RAPGEF1: variants seen among roughly 807,000 people sequenced by gnomAD.
RAPGEF1 encodes CRK SH3-binding GNRP.
RAPGEF1 carries 33 observed loss-of-function variants against 143.3 expected under a neutral mutation model. That is an observed-to-expected ratio of 0.23 (90% CI 0.17 to 0.31). RAPGEF1 has a LOEUF of 0.31. Ranked by LOEUF, RAPGEF1 falls within the 10% of genes least tolerant of loss-of-function variation. The pLI, the probability that RAPGEF1 is intolerant of heterozygous loss-of-function variation, is 1.00. For synonymous variants in RAPGEF1, 629 were observed against 676.5 expected (o/e 0.93, Z 1.09); for missense variants, 1,199 against 1,645.4 (o/e 0.73, Z 4.69).
rs985596755 is a variant in RAPGEF1, at chr9:131,621,402, C to T, written c.1905+394G>A. On this transcript the variant is annotated intron_variant, in intron 11 of 26. Transcript: ENST00000683357. The surrounding 1 kb of genome is among the most constrained non-coding windows in gnomAD (Gnocchi z 4.5). ...TTATGCCAATCAAGTCCACAGATGG[C>T]TGTGCACAGACCATGTCCTGTGCTT... is the stretch of plus-strand genomic sequence containing the variant. 6.6e-6 allele frequency among the ~76,000 whole-genome samples: 1 copy of T among 152,210 alleles called. No homozygotes were observed. The highest frequency in any genetic ancestry group is 1.5e-5 in the Non-Finnish European group (1 of 68,034).
At chr9:131,588,128 G>A in intron 20 of RAPGEF1, 102 bp from the exon 21 acceptor site, 1 of 1,026,096 alleles carries the variant, frequency 9.7e-7, no homozygotes, top group Non-Finnish European at 1.5e-6. Context: ...GAGCCTCTCT[G>A]CCCAGCAGGA....
rs1486187697 is a variant in RAPGEF1 at position 131,650,856 on chromosome 9, T to C, written c.155A>G (p.Lys52Arg). 1.2e-6 allele frequency: 2 copies of C among 1,614,048 alleles called. No individual in the cohort carries two copies. The highest frequency in any genetic ancestry group is 1.7e-6 in the Non-Finnish European group (2 of 1,179,898). The stretch of plus-strand genomic sequence containing the variant: ...AATCTTTACGGACACCTCAGCTGGT[T>C]TTCCCTTCTTTGATGGCGTTCTCTT... The part of the protein sequence containing the change: ...KIKRTPSKKG[K>R]PAEVSVKIPE... Residue 52 changes from lysine (K) to arginine (R), a missense_variant, in exon 2 of 27, where the codon AAA becomes AGA. Coordinates refer to ENST00000683357, the MANE Select transcript of RAPGEF1 (RefSeq NM_001377935.1). This position sits in a 1 kb window ranked among gnomAD's most constrained non-coding sequence, Gnocchi z 4.7.
At chr9:131,676,271 A>G (rs2130872655) in intron 1 of RAPGEF1, among the ~76,000 whole-genome samples, 1 of 152,304 alleles carries the variant, frequency 6.6e-6, no homozygotes, top group African/African-American at 2.4e-5. Flanking sequence ...CCCTGAGGAA[A>G]GGGGCAAGGG....
chr9:131,584,602 TG>T lies in RAPGEF1; in HGVS notation c.3234-7del. The stretch of plus-strand genomic sequence containing the variant: ...ACATGATTATGGACCGGACCCTGCA[TG>T]GACCAAGGGAAAAAGAAACAGCTGA... On this transcript the variant is annotated splice_polypyrimidine_tract_variant and splice_region_variant and intron_variant, in intron 22 of 26. Coordinates refer to ENST00000683357, the MANE Select transcript of RAPGEF1 (RefSeq NM_001377935.1). The surrounding 1 kb of genome is among the most constrained non-coding windows in gnomAD (Gnocchi z 6.8). 6.2e-7 allele frequency: 1 copy of T among 1,613,882 alleles called. No homozygotes were observed. The highest frequency in any genetic ancestry group is 8.5e-7 in the Non-Finnish European group (1 of 1,179,776).
intron 12 of RAPGEF1, among the ~76,000 whole-genome samples, chr9:131,613,727 AAGCCTGCACTCAAACAGCTGGAG>A (rs1258421530): frequency 6.6e-6 from 1 of 152,058 alleles, no homozygotes; most frequent in African/African-American, 2.4e-5. Flanking sequence ...GTGAGGAGAG[AAGCCTGCACTCAAACAGCTGGAG>A]ATCTGTGGAG....
At position 131,605,187 on chromosome 9, in the gene RAPGEF1, T is replaced by C. The variant is rs372555098; in HGVS notation, c.2063A>G (p.Tyr688Cys). The C allele has an allele frequency of 5.8e-5, 77 of 1,327,028 alleles. No homozygotes were observed. The African/African-American group carries it at 8.7e-4, about 15-fold the overall frequency. The allele number at this position is 1,327,028 out of a possible 1,614,324, so 82.2% of individuals were successfully genotyped here. Residue 688 changes from tyrosine to cysteine, a missense_variant and splice_region_variant, in exon 13 of 27, where the codon TAT becomes TGT. Physicochemically the swap from Tyr to Cys is radical, Grantham distance 194. Transcript: ENST00000683357. Reference protein sequence around the residue: ...SRHGSLPVPSYKSVFRSYSQD... With the variant: ...SRHGSLPVPSCKSVFRSYSQD... Reference sequence around the variant, plus strand: ...GGAGTAGGACCTAAACACAGACTTATACTACAGAATCCAGGTGGAGAACAA... The same window carrying C: ...GGAGTAGGACCTAAACACAGACTTACACTACAGAATCCAGGTGGAGAACAA...
intron 1 of RAPGEF1, among the ~76,000 whole-genome samples, chr9:131,665,417 C>CA (rs1348185393): frequency 6.6e-6 from 1 of 152,176 alleles, no homozygotes; most frequent in African/African-American, 2.4e-5. Context: ...TCACCACCTG[C>CA]ACCACGGTCA....
chr9:131,724,146 A>T (rs1414197421), intron 1 of RAPGEF1, among the ~76,000 whole-genome samples: 1 of 152,234 alleles, frequency 6.6e-6, no homozygotes, highest in Non-Finnish European at 1.5e-5. Context: ...AAAGCTGTAG[A>T]TCTTCATCCT....
chr9:131,606,830 G>A (rs1467168831), intron 12 of RAPGEF1, among the ~76,000 whole-genome samples: 1 of 151,922 alleles, frequency 6.6e-6, no homozygotes, highest in Non-Finnish European at 1.5e-5. Context: ...TTTCTATGTT[G>A]CCCAGGCTGG....
At chr9:131,662,889 G>T (rs567444868) in intron 1 of RAPGEF1, among the ~76,000 whole-genome samples, 1 of 151,908 alleles carries the variant, frequency 6.6e-6, no homozygotes, top group Non-Finnish European at 1.5e-5. Context: ...GGCTGGTCTC[G>T]AGCTCCTGGG....
At chr9:131,608,395 C>T (rs1045098750) in intron 12 of RAPGEF1, among the ~76,000 whole-genome samples, 5 of 152,172 alleles carry the variant, frequency 3.3e-5, no homozygotes, top group African/African-American at 4.8e-5. Context: ...ATTAAGGTGT[C>T]TAGAATATTA....
At position 131,626,309 on chromosome 9, in the gene RAPGEF1, C is replaced by T; in HGVS notation, c.1315G>A (p.Gly439Arg). 1.9e-6 allele frequency: 3 copies of T among 1,614,028 alleles called. No individual in the cohort carries two copies. The highest frequency in any genetic ancestry group is 2.5e-6 in the Non-Finnish European group (3 of 1,179,902). Residue 439 changes from glycine (G) to arginine (R), a missense_variant, in exon 10 of 27, where the codon GGG becomes AGG. This residue lies in a region of RAPGEF1 where 613 missense variants were observed against 710.9 expected (regional missense o/e 0.86). Transcript: ENST00000683357. ...SPLPESLGES[G>R]SPFLGPPFQL... ...AAAGGAGGGCCAAGAAATGGAGACC[C>T]AGACTCCCCCAAAGACTCTGGCAAC...
At chr9:131,715,788 C>A (rs1835820037) in intron 1 of RAPGEF1, among the ~76,000 whole-genome samples, 1 of 150,250 alleles carries the variant, frequency 6.7e-6, no homozygotes, top group African/African-American at 2.5e-5. Flanking sequence ...TCACTTGAAC[C>A]CGGGAGGTGG....
chr9:131,676,822 G>T (rs571270134), intron 1 of RAPGEF1, among the ~76,000 whole-genome samples: 1 of 152,310 alleles, frequency 6.6e-6, no homozygotes, highest in African/African-American at 2.4e-5. Context: ...CCTAGTCAGC[G>T]GTTCTCAAAG....
chr9:131,739,639 C>T, intron 1 of RAPGEF1, 131 bp downstream of exon 1: 1 of 634,438 alleles, frequency 1.6e-6, no homozygotes, highest in Non-Finnish European at 2.0e-6. Context: ...CCCGGCGAGG[C>T]CTCGGTGGCT....
intron 1 of RAPGEF1, among the ~76,000 whole-genome samples, chr9:131,689,875 A>AT (rs1833656625): frequency 6.6e-6 from 1 of 152,222 alleles, no homozygotes; most frequent in South Asian, 2.1e-4. Context: ...ATGTTAAGTA[A>AT]TAGTTATGAA....
intron 1 of RAPGEF1, among the ~76,000 whole-genome samples, chr9:131,682,430 G>A (rs1295336695): frequency 2.0e-5 from 3 of 152,180 alleles, no homozygotes; most frequent in Admixed American, 6.5e-5. Flanking sequence ...CAAAAGCTGT[G>A]AGCCTTCTGC....
chr9:131,605,115 G>A lies in RAPGEF1; in HGVS notation c.2135C>T (p.Pro712Leu), dbSNP rs764696193. 8.1e-6 allele frequency: 11 copies of A among 1,364,284 alleles called. No individual in the cohort carries two copies. Among genetic ancestry groups the A allele is most frequent in the Non-Finnish European group, 1.1e-5 (11 of 1,020,958 alleles). The allele number at this position is 1,364,284 out of a possible 1,614,324, so 84.5% of individuals were successfully genotyped here. ...ATGTGGAGAGGAAGAGGAGGTAGGC[G>A]GAAGGAAAGGCGGAACGGAAGCTTG... ...HHQASVPPFL[P>L]PTSSSSPHFP... is the part of the protein sequence containing the mutation. Residue 712 changes from proline to leucine, a missense_variant, in exon 13 of 27, where the codon CCG becomes CTG. Pro to Leu is a moderately conservative substitution (Grantham distance 98). This residue lies in a region of RAPGEF1 where 293 missense variants were observed against 356.2 expected (regional missense o/e 0.82). Coordinates refer to ENST00000683357, the MANE Select transcript of RAPGEF1 (RefSeq NM_001377935.1).
chr9:131,618,699 A>G (rs1163913727), intron 12 of RAPGEF1, among the ~76,000 whole-genome samples: 1 of 152,092 alleles, frequency 6.6e-6, no homozygotes, highest in Non-Finnish European at 1.5e-5. Flanking sequence ...CAGGTGAGTG[A>G]CACCACACCT....
Sources: gnomAD v4.1 joint callset for allele counts (sites outside exome capture counted in the v4.1 genomes callset) on GRCh38, gnomAD v4.1.1 for gene constraint, gnomAD v4.1.1 regional missense constraint, Gnocchi (gnomAD v3.1) non-coding constraint, MANE v1.5 for transcripts, NCBI Gene and HGNC (gene_info 2026-07-23, HGNC 2026-07-21) for gene names.